Variants in PPM1L observed in about 807,000 individuals in gnomAD.
The protein encoded by PPM1L is protein phosphatase 1L.
Under a neutral mutation model 31.4 loss-of-function variants are expected in PPM1L, and 13 were observed. The ratio of observed to expected loss-of-function variants is 0.41; its 90% CI spans 0.27 to 0.66. PPM1L has a LOEUF of 0.66. Among genes scored for constraint, PPM1L ranks in the 30% least tolerant of loss-of-function variants. The pLI is 0.29. For missense variants in PPM1L, 326 were observed against 453.7 expected, an observed-to-expected ratio of 0.72 and a Z score of 2.56; for synonymous variants, 184 against 175.4, an observed-to-expected ratio of 1.05 and a Z score of -0.39.
chr3:160,969,446 G>GA (rs1038253245), intron 2 of PPM1L, among the ~76,000 whole-genome samples: 3 of 152,070 alleles, frequency 2.0e-5, no homozygotes, highest in East Asian at 1.9e-4. Flanking sequence ...TGTCATGGGG[G>GA]AAAAAATTGA....
chr3:161,074,938 T>C lies in PPM1L; in HGVS notation c.*5781T>C, dbSNP rs1367449234. On this transcript the variant is annotated 3_prime_UTR_variant, in exon 4 of 4. Coordinates refer to ENST00000498165, the MANE Select transcript of PPM1L (RefSeq NM_139245.4). ...ATTCTTGAAGTCCTATAACCTTGCA[T>C]TATTTAAACACAAAATCCCACCTAA... 1 of 152,168 alleles carries C rather than the reference T, an allele frequency of 6.6e-6. No individual in the cohort carries two copies. The highest frequency in any genetic ancestry group is 1.5e-5 in the Non-Finnish European group (1 of 68,030). The allele number at this position is 152,168 out of a possible 1,614,324, so 9.4% of individuals were successfully genotyped here.
chr3:160,789,116 C>T (rs1451972796), intron 1 of PPM1L, among the ~76,000 whole-genome samples: 1 of 151,880 alleles, frequency 6.6e-6, no homozygotes, highest in African/African-American at 2.4e-5. Context: ...GAATAGGATA[C>T]TTCTTTAATT....
At chr3:160,801,998 A>C (rs1712443533) in intron 1 of PPM1L, among the ~76,000 whole-genome samples, 1 of 152,142 alleles carries the variant, frequency 6.6e-6, no homozygotes, top group Non-Finnish European at 1.5e-5. Flanking sequence ...CCCCACACCC[A>C]AGCCCTTAGC....
At chr3:160,970,859 G>A (rs1716315063) in intron 2 of PPM1L, among the ~76,000 whole-genome samples, 1 of 137,412 alleles carries the variant, frequency 7.3e-6, no homozygotes, top group Admixed American at 8.0e-5. Flanking sequence ...GCGCAATCTC[G>A]GCTCACTGCA....
chr3:161,035,397 A>G (rs1034809027), intron 2 of PPM1L, among the ~76,000 whole-genome samples: 5 of 152,230 alleles, frequency 3.3e-5, no homozygotes, highest in Admixed American at 2.6e-4. Context: ...CAAAGAGGAA[A>G]GAGCTAATTT....
intron 1 of PPM1L, among the ~76,000 whole-genome samples, chr3:160,781,977 A>G (rs1434501756): frequency 6.6e-6 from 1 of 152,084 alleles, no homozygotes; most frequent in Non-Finnish European, 1.5e-5. Context: ...CTTAAGATTT[A>G]TTTGGTTTTT....
At chr3:160,786,155 CTCTGTGTGTG>C (rs1174270005) in intron 1 of PPM1L, among the ~76,000 whole-genome samples, 14 of 83,182 alleles carry the variant, frequency 1.7e-4, no homozygotes, top group African/African-American at 1.1e-3. Context: ...CTCTCTCTCT[CTCTGTGTGTG>C]TGTGTGTGTG....
At chr3:160,920,091 G>A (rs549114754) in intron 1 of PPM1L, among the ~76,000 whole-genome samples, 3 of 152,200 alleles carry the variant, frequency 2.0e-5, no homozygotes, top group Middle Eastern at 3.4e-3. Flanking sequence ...ACTTTACCAC[G>A]TCTGAAATGG....
chr3:161,029,940 C>A (rs934451076), intron 2 of PPM1L, among the ~76,000 whole-genome samples: 5 of 152,200 alleles, frequency 3.3e-5, no homozygotes, highest in African/African-American at 1.2e-4. Flanking sequence ...TACAGCCTCC[C>A]TGAAGTTTTC....
chr3:160,857,912 C>T (rs1243054258), intron 1 of PPM1L, among the ~76,000 whole-genome samples: 2 of 152,142 alleles, frequency 1.3e-5, no homozygotes, highest in Non-Finnish European at 2.9e-5. Flanking sequence ...TTTCTGCTTC[C>T]AGGTTCCCAT....
intron 1 of PPM1L, among the ~76,000 whole-genome samples, chr3:160,763,617 T>C (rs1416260023): frequency 6.6e-6 from 1 of 152,200 alleles, no homozygotes; most frequent in Non-Finnish European, 1.5e-5. Flanking sequence ...AGCACTATTA[T>C]TGAAGCTGTG....
Position 161,075,869 on chromosome 3 carries a change from C to T in PPM1L, c.*6712C>T, listed in dbSNP as rs1720081573. 6.6e-6 allele frequency: 1 copy of T among 152,140 alleles called. No homozygotes were observed. The highest frequency in any genetic ancestry group is 1.5e-5 in the Non-Finnish European group (1 of 68,026). 9.4% of individuals were successfully genotyped at this position (152,140 alleles called of 1,614,324 possible). ...CATTTTTTTCTGATGAAAATGGATA[C>T]ATGAGATCTCATTTATTGCTCTCCT... On this transcript the variant is annotated 3_prime_UTR_variant, in exon 4 of 4. Coordinates refer to ENST00000498165, the MANE Select transcript of PPM1L (RefSeq NM_139245.4).
intron 1 of PPM1L, among the ~76,000 whole-genome samples, chr3:160,772,954 T>C (rs1378536400): frequency 6.7e-6 from 1 of 150,098 alleles, no homozygotes; most frequent in African/African-American, 2.5e-5. Context: ...ATATCAAAAT[T>C]TGTTTGTTCA....
At chr3:160,951,169 G>C (rs764789322) in intron 1 of PPM1L, among the ~76,000 whole-genome samples, 1 of 152,218 alleles carries the variant, frequency 6.6e-6, no homozygotes, top group Non-Finnish European at 1.5e-5. Flanking sequence ...TCAACAGATT[G>C]ATGAGAAAGT....
intron 1 of PPM1L, among the ~76,000 whole-genome samples, chr3:160,925,695 A>G (rs762975394): frequency 4.6e-5 from 7 of 152,198 alleles, no homozygotes; most frequent in Non-Finnish European, 7.3e-5. Flanking sequence ...TATTTCATGT[A>G]TAAGAGATAC....
intron 1 of PPM1L, among the ~76,000 whole-genome samples, chr3:160,831,477 G>A (rs1379724253): frequency 6.6e-6 from 1 of 152,180 alleles, no homozygotes; most frequent in African/African-American, 2.4e-5. Flanking sequence ...AAGACATTCT[G>A]TTTCAAATAT....
intron 1 of PPM1L, among the ~76,000 whole-genome samples, chr3:160,887,741 C>T (rs868667105): frequency 4.0e-5 from 6 of 151,860 alleles, no homozygotes; most frequent in African/African-American, 7.3e-5. Context: ...CCACCATGCC[C>T]GGCTAATTTT....
chr3:161,047,599 A>G lies in PPM1L; in HGVS notation c.575-17804A>G, dbSNP rs568011841. Reference sequence around the variant, plus strand: ...TGGAAAAAACTACTTTAAAGTTCATATGTAACCAAAAAAGAGCCCACATTG... The same window carrying G: ...TGGAAAAAACTACTTTAAAGTTCATGTGTAACCAAAAAAGAGCCCACATTG... On this transcript the variant is annotated intron_variant, in intron 2 of 3. Coordinates refer to ENST00000498165, the MANE Select transcript of PPM1L (RefSeq NM_139245.4). Among the ~76,000 whole-genome samples, 16 of 152,334 alleles carry G rather than the reference A, an allele frequency of 1.1e-4. No individual in the cohort carries two copies. The East Asian group carries it at 2.1e-3, about 20-fold the overall frequency.
At chr3:160,845,885 G>T (rs980371105) in intron 1 of PPM1L, among the ~76,000 whole-genome samples, 1 of 151,950 alleles carries the variant, frequency 6.6e-6, no homozygotes, top group Non-Finnish European at 1.5e-5. Flanking sequence ...TTCAGAGAAG[G>T]AAATACATTT....
Sources: gnomAD v4.1 joint callset for allele counts (sites outside exome capture counted in the v4.1 genomes callset) on GRCh38, gnomAD v4.1.1 for gene constraint, MANE v1.5 for transcripts, NCBI Gene and HGNC (gene_info 2026-07-23, HGNC 2026-07-21) for gene names.